The following DCUN1D2 variants were observed in gnomAD, a reference collection of about 807,000 sequenced individuals.
DCUN1D2 encodes the protein DCN1-like protein 2.
In DCUN1D2, 29 loss-of-function variants were observed where a neutral mutation model predicts 30.9. That is an observed-to-expected ratio of 0.94 (90% CI 0.70 to 1.28). The LOEUF (loss-of-function observed/expected upper bound fraction) is 1.28, where lower values mean the gene tolerates loss of function less well. DCUN1D2 is among the 50% of genes most tolerant of loss of function. DCUN1D2 has a pLI of 0.00. For missense variants in DCUN1D2, 325 were observed against 316.9 expected, an observed-to-expected ratio of 1.03 and a Z score of -0.19; for synonymous variants, 121 against 115.3, an observed-to-expected ratio of 1.05 and a Z score of -0.32.
chr13:113,464,058 C>T (rs531035297), intron 4 of DCUN1D2, among the ~76,000 whole-genome samples: 1 of 152,252 alleles, frequency 6.6e-6, no homozygotes, highest in Non-Finnish European at 1.5e-5. Context: ...TTTTAAAAAG[C>T]CCTCAAAAAA....
intron 1 of DCUN1D2, among the ~76,000 whole-genome samples, chr13:113,485,674 A>G (rs954651060): frequency 6.6e-6 from 1 of 151,642 alleles, no homozygotes; most frequent in Non-Finnish European, 1.5e-5. Context: ...TTTTTGAGAC[A>G]GGCAATCAAA....
intron 1 of DCUN1D2, among the ~76,000 whole-genome samples, chr13:113,487,719 G>T (rs1482203459): frequency 6.6e-6 from 1 of 152,224 alleles, no homozygotes; most frequent in Admixed American, 6.5e-5. Flanking sequence ...GGGAGTGACT[G>T]CTAATGGGTA....
chr13:113,479,607 A>G (rs1262274111), intron 3 of DCUN1D2, among the ~76,000 whole-genome samples: 1 of 152,142 alleles, frequency 6.6e-6, no homozygotes, highest in Non-Finnish European at 1.5e-5. Context: ...CTAAAAATAC[A>G]AAAATTAGCC....
At position 113,488,773 on chromosome 13, in the gene DCUN1D2, C is replaced by T. The variant is rs1175365876; in HGVS notation, c.3+1894G>A. ...TGGATACACTGGAACTAGGGCCGCC[C>T]TTCAAGCTCACAACCTTCACTGAGG... On this transcript the variant is annotated intron_variant, in intron 1 of 6. Transcript: ENST00000478244. This position sits in a 1 kb window ranked among gnomAD's most constrained non-coding sequence, Gnocchi z 4.3. Among the ~76,000 whole-genome samples the T allele has an allele frequency of 2.6e-5, 4 of 152,204 alleles. No individual in the cohort carries two copies. Among genetic ancestry groups the T allele is most frequent in the South Asian group, 2.1e-4 (1 of 4,832 alleles).
chr13:113,483,799 G>A (rs201522372), intron 2 of DCUN1D2, 41 bp downstream of exon 2: 179 of 1,593,358 alleles, frequency 1.1e-4, no homozygotes, highest in Admixed American at 3.5e-4. Flanking sequence ...GCCGCTCGCG[G>A]AGGCCGACAT....
chr13:113,478,172 C>T (rs929385522), intron 3 of DCUN1D2, among the ~76,000 whole-genome samples: 1 of 152,284 alleles, frequency 6.6e-6, no homozygotes, highest in South Asian at 2.1e-4. Context: ...TAAGTCATCC[C>T]AAACAGGAGT....
intron 1 of DCUN1D2, among the ~76,000 whole-genome samples, chr13:113,486,892 C>G (rs1398191733): frequency 3.3e-5 from 5 of 152,202 alleles, no homozygotes; most frequent in Admixed American, 2.6e-4. Context: ...GGGTCTGTTG[C>G]CAAAGCAGAC....
chr13:113,458,419 C>T (rs980999295), intron 6 of DCUN1D2, among the ~76,000 whole-genome samples: 5 of 152,178 alleles, frequency 3.3e-5, no homozygotes, highest in Admixed American at 1.3e-4. Flanking sequence ...TGGACCCCCG[C>T]GGAGCAGGAG....
chr13:113,482,110 G>A (rs897016357), intron 2 of DCUN1D2, among the ~76,000 whole-genome samples: 8 of 152,180 alleles, frequency 5.3e-5, no homozygotes, highest in South Asian at 2.1e-4. Flanking sequence ...CATTACAACC[G>A]TGTTCAACAT....
intron 3 of DCUN1D2, among the ~76,000 whole-genome samples, chr13:113,479,550 C>A (rs1402949265): frequency 6.6e-6 from 1 of 152,136 alleles, no homozygotes; most frequent in African/African-American, 2.4e-5. Context: ...CCCCTGAAGT[C>A]AGGAGTTCAA....
At position 113,461,041 on chromosome 13, in the gene DCUN1D2, G is replaced by A. The variant is rs757288173; in HGVS notation, c.603+13C>T. 4.4e-6 allele frequency: 7 copies of A among 1,575,256 alleles called. No individual in the cohort carries two copies. The highest frequency in any genetic ancestry group is 1.1e-5 in the South Asian group (1 of 89,094). ...CACAGTGGGCACACAGCGAGATGCA[G>A]GAGGACACTTACCATTAAGAATGTG... On this transcript the variant is annotated intron_variant, in intron 5 of 6. Transcript: ENST00000478244.
intron 4 of DCUN1D2, among the ~76,000 whole-genome samples, chr13:113,465,509 A>AAC (rs537926112): frequency 2.4e-3 from 358 of 151,746 alleles, no homozygotes; most frequent in African/African-American, 8.2e-3. Flanking sequence ...TAAAAAAAAA[A>AAC]AAACAAACAA....
At chr13:113,479,269 T>G (rs1164126876) in intron 3 of DCUN1D2, among the ~76,000 whole-genome samples, 1 of 152,206 alleles carries the variant, frequency 6.6e-6, no homozygotes, top group African/African-American at 2.4e-5. Context: ...TTTCTCTTTG[T>G]AGTTGCTTAT....
intron 4 of DCUN1D2, among the ~76,000 whole-genome samples, chr13:113,468,590 C>G (rs554078633): frequency 3.3e-5 from 5 of 152,114 alleles, no homozygotes; most frequent in South Asian, 4.1e-4. Flanking sequence ...GGTTTAAACG[C>G]GAGACGTGCC....
At chr13:113,490,974 C>G (rs1045861809), upstream of DCUN1D2, 2 of 186,868 alleles carry the variant, frequency 1.1e-5, no homozygotes, top group African/African-American at 4.7e-5. This position sits in a 1 kb window ranked among gnomAD's most constrained non-coding sequence, Gnocchi z 5.2. Context: ...GCCGACGGGA[C>G]CCGCCCACGC....
At chr13:113,478,483 TAATTA>T (rs1185448764) in intron 3 of DCUN1D2, among the ~76,000 whole-genome samples, 3 of 152,194 alleles carry the variant, frequency 2.0e-5, no homozygotes, top group Admixed American at 2.0e-4. Context: ...CTTTTCTATT[TAATTA>T]TTCTTGTAAA....
At chr13:113,480,933 A>G (rs2044697316) in intron 2 of DCUN1D2, among the ~76,000 whole-genome samples, 190 bp from the exon 3 acceptor site, 1 of 151,550 alleles carries the variant, frequency 6.6e-6, no homozygotes, top group South Asian at 2.1e-4. Context: ...TTTATCCAGA[A>G]AACGGTCCTA....
rs533720061 is a variant in DCUN1D2 at position 113,487,460 on chromosome 13, A to C, written c.3+3207T>G. 2.0e-5 allele frequency among the ~76,000 whole-genome samples: 3 copies of C among 152,380 alleles called. No homozygotes were observed. In the South Asian group the frequency reaches 6.2e-4, roughly 32 times the overall value. On this transcript the variant is annotated intron_variant, in intron 1 of 6. Transcript: ENST00000478244. ...TGAGTAAAAGAAACCAGGCACAAGA[A>C]GCCACACAGTGTATGATTCCATCCA...
intron 2 of DCUN1D2, 86 bp downstream of exon 2, chr13:113,483,753 GC>G: frequency 1.5e-6 from 2 of 1,366,110 alleles, no homozygotes; most frequent in South Asian, 1.3e-5. Context: ...CCGGAGACCT[GC>G]CCCGGCACCA....
Sources: gnomAD v4.1 joint callset for allele counts (sites outside exome capture counted in the v4.1 genomes callset) on GRCh38, gnomAD v4.1.1 for gene constraint, Gnocchi (gnomAD v3.1) non-coding constraint, MANE v1.5 for transcripts, NCBI Gene and HGNC (gene_info 2026-07-23, HGNC 2026-07-21) for gene names.